GSE1: variants seen among roughly 807,000 people sequenced by gnomAD.
The protein encoded by GSE1 is genetic suppressor element 1.
GSE1 carries 32 observed loss-of-function variants against 112.6 expected under a neutral mutation model. The observed-to-expected ratio is 0.28, with a 90% CI of 0.21 to 0.38. The LOEUF (loss-of-function observed/expected upper bound fraction) is 0.38, where lower values mean the gene tolerates loss of function less well. GSE1 is among the 10% of genes least tolerant of loss of function. GSE1 has a pLI of 1.00. For synonymous variants in GSE1, 1,115 were observed against 735.6 expected, an observed-to-expected ratio of 1.52 and a Z score of -8.35; for missense variants, 2,348 against 1,699.2, an observed-to-expected ratio of 1.38 and a Z score of -6.71.
At chr16:85,294,253 A>G (rs1004583534) in intron 1 of GSE1, among the ~76,000 whole-genome samples, 2 of 152,126 alleles carry the variant, frequency 1.3e-5, no homozygotes, top group South Asian at 2.1e-4. Flanking sequence ...TTCAGGGCAT[A>G]TGGCTCCAGT....
intron 2 of GSE1, among the ~76,000 whole-genome samples, chr16:85,500,998 G>GTGTT (rs2051341767): frequency 1.5e-5 from 1 of 64,826 alleles, no homozygotes; most frequent in African/African-American, 6.6e-5. Context: ...GGCCTGTTCT[G>GTGTT]TTTTTTTTTT....
Position 85,646,900 on chromosome 16 carries a change from G to GA in GSE1, c.227-1652_227-1651insA, listed in dbSNP as rs796414855. The stretch of plus-strand genomic sequence containing the variant: ...GCTTGATCCCCACAACAAGGGGGGG[G>GA]GTGGGGGCTCCGGAAGCGAGGCTGG... On this transcript the variant is annotated intron_variant, in intron 2 of 15. Transcript: ENST00000253458. Among the ~76,000 whole-genome samples the GA allele has an allele frequency of 1.8e-4, 27 of 152,088 alleles. No individual in the cohort carries two copies. In the East Asian group the frequency reaches 4.1e-3, roughly 23 times the overall value.
intron 1 of GSE1, among the ~76,000 whole-genome samples, chr16:85,268,089 C>T (rs954503818): frequency 6.6e-6 from 1 of 152,114 alleles, no homozygotes; most frequent in African/African-American, 2.4e-5. Context: ...GTTCACTATG[C>T]CCACTGCTGA....
rs142627151 is a variant in GSE1, at chr16:85,488,100, A to G, written c.2464+130457A>G. On this transcript the variant is annotated intron_variant, in intron 2 of 2. Transcript: ENST00000637419. ...GTCCTCGCTGTGACCTTGCAGGGCCATGCTTCCCTCTGCAGCCAGGAAGGA... is the reference window on the plus strand; with the variant it reads ...GTCCTCGCTGTGACCTTGCAGGGCCGTGCTTCCCTCTGCAGCCAGGAAGGA... 3.4e-3 allele frequency among the ~76,000 whole-genome samples: 519 copies of G among 152,260 alleles called. 2 individuals carry two copies. The highest frequency in any genetic ancestry group is 0.012 in the African/African-American group (506 of 41,558).
intron 1 of GSE1, among the ~76,000 whole-genome samples, chr16:85,246,242 C>A (rs1270691627): frequency 1.4e-5 from 2 of 140,108 alleles, no homozygotes; most frequent in Non-Finnish European, 3.1e-5. Context: ...CACACACGCA[C>A]ACCACACGCT....
At chr16:85,432,347 AC>A (rs1333974149) in intron 2 of GSE1, among the ~76,000 whole-genome samples, 7 of 151,786 alleles carry the variant, frequency 4.6e-5, no homozygotes, top group Non-Finnish European at 8.8e-5. Flanking sequence ...TTGAAGTGAA[AC>A]CTCCTCCCCA....
Position 85,419,990 on chromosome 16 carries a change from G to A in GSE1, c.2464+62347G>A, listed in dbSNP as rs1279028502. Among the ~76,000 whole-genome samples, 1 of 152,240 alleles carries A rather than the reference G, an allele frequency of 6.6e-6. No homozygotes were observed. The highest frequency in any genetic ancestry group is 1.5e-5 in the Non-Finnish European group (1 of 68,042). On this transcript the variant is annotated intron_variant, in intron 2 of 2. Transcript: ENST00000637419. The surrounding 1 kb of genome is among the most constrained non-coding windows in gnomAD (Gnocchi z 6.5). Reference sequence around the variant, plus strand: ...CCCAGCTGGCAGTTATCATGGGTCTGTGAATGCTGAGCTTGACATCGGGGC... The same window carrying A: ...CCCAGCTGGCAGTTATCATGGGTCTATGAATGCTGAGCTTGACATCGGGGC...
At chr16:85,401,196 C>T (rs926382752) in intron 2 of GSE1, among the ~76,000 whole-genome samples, 3 of 152,140 alleles carry the variant, frequency 2.0e-5, no homozygotes, top group Admixed American at 6.5e-5. Context: ...GTGAGGCCAA[C>T]GTCATGCGTT....
At chr16:85,625,669 G>A (rs1445505607) in intron 1 of GSE1, among the ~76,000 whole-genome samples, 4 of 152,244 alleles carry the variant, frequency 2.6e-5, no homozygotes, top group Non-Finnish European at 2.9e-5. Flanking sequence ...AAACCGGGGT[G>A]GCCAGCCCCC....
intron 1 of GSE1, among the ~76,000 whole-genome samples, chr16:85,591,242 C>T (rs998723059): frequency 1.3e-5 from 2 of 152,302 alleles, no homozygotes; most frequent in African/African-American, 4.8e-5. Context: ...TCTGTCGGGC[C>T]CTCCTGGTTT....
intron 3 of GSE1, 117 bp downstream of exon 3, chr16:85,648,868 C>G (rs1241277153): frequency 5.4e-6 from 3 of 552,512 alleles, no homozygotes; most frequent in Admixed American, 3.9e-5. Flanking sequence ...ACCCCCTCCC[C>G]CACCCTGAGT....
intron 2 of GSE1, among the ~76,000 whole-genome samples, chr16:85,430,499 G>A (rs977431455): frequency 2.4e-4 from 36 of 152,200 alleles, no homozygotes; most frequent in African/African-American, 8.2e-4. Context: ...AAGGGAGCCC[G>A]GCCTGGGAAT....
intron 2 of GSE1, among the ~76,000 whole-genome samples, chr16:85,483,481 C>T (rs117902284): frequency 0.019 from 2,955 of 152,372 alleles, 53 homozygotes; most frequent in Non-Finnish European, 0.03. Flanking sequence ...GTCTAGTTCC[C>T]GTGGCCCAGC....
At chr16:85,652,057 G>A (rs1002762276) in intron 3 of GSE1, among the ~76,000 whole-genome samples, 4 of 152,344 alleles carry the variant, frequency 2.6e-5, no homozygotes, top group African/African-American at 7.2e-5. Flanking sequence ...GGCTGGGGTA[G>A]GCAGGCCAGC....
intron 2 of GSE1, among the ~76,000 whole-genome samples, chr16:85,367,704 C>T (rs1597501562): frequency 6.6e-6 from 1 of 152,230 alleles, no homozygotes; most frequent in African/African-American, 2.4e-5. Flanking sequence ...GGCTCCCTGT[C>T]CTCGTGATCT....
At chr16:85,340,219 G>A (rs925984123) in intron 1 of GSE1, among the ~76,000 whole-genome samples, 68 of 152,114 alleles carry the variant, frequency 4.5e-4, no homozygotes, top group Admixed American at 3.5e-3. Context: ...GTGTGGTGGC[G>A]TGTGTCTGTG....
chr16:85,470,823 A>G (rs1354625260), intron 2 of GSE1, among the ~76,000 whole-genome samples: 1 of 152,230 alleles, frequency 6.6e-6, no homozygotes, highest in Non-Finnish European at 1.5e-5. Flanking sequence ...CGGCGATTAA[A>G]ACAGTGTAAC....
At chr16:85,197,198 C>T (rs952552316) in intron 1 of GSE1, among the ~76,000 whole-genome samples, 4 of 152,068 alleles carry the variant, frequency 2.6e-5, no homozygotes, top group African/African-American at 9.7e-5. Context: ...CAGTTCAGAA[C>T]GGTGGACCCA....
intron 2 of GSE1, among the ~76,000 whole-genome samples, chr16:85,370,922 G>A (rs1313569503): frequency 1.3e-5 from 2 of 152,230 alleles, no homozygotes; most frequent in Non-Finnish European, 1.5e-5. Flanking sequence ...CCTGGCTCCT[G>A]TGTACAGCTT....
Sources: allele counts gnomAD v4.1 joint callset (sites outside exome capture counted in the v4.1 genomes callset), GRCh38; gene constraint gnomAD v4.1.1; non-coding constraint Gnocchi (gnomAD v3.1); transcripts MANE v1.5; gene names NCBI Gene and HGNC (gene_info 2026-07-23, HGNC 2026-07-21).